The following TSHZ2 variants were observed in gnomAD, a reference collection of about 807,000 sequenced individuals.
TSHZ2 encodes teashirt zinc finger homeobox 2.
Under a neutral mutation model 74.4 loss-of-function variants are expected in TSHZ2, and 21 were observed. That is an observed-to-expected ratio of 0.28 (90% confidence interval 0.20 to 0.41). The LOEUF is 0.41. Ranked by LOEUF, TSHZ2 falls within the 10% of genes least tolerant of loss-of-function variation. The probability of loss-of-function intolerance (pLI) is 1.00; values close to 1 mark genes in which losing one functional copy is unlikely to be tolerated. For missense variants in TSHZ2, 1,244 were observed against 1,293.5 expected, an observed-to-expected ratio of 0.96 and a Z score of 0.59; for synonymous variants, 540 against 515.3, an observed-to-expected ratio of 1.05 and a Z score of -0.65.
chr20:53,450,309 A>AAAAG (rs113435172), intron 2 of TSHZ2, among the ~76,000 whole-genome samples: 11,601 of 152,258 alleles, frequency 0.076, 540 homozygotes, highest in South Asian at 0.23. Context: ...ATGTGATGGT[A>AAAAG]AAAGAAAGAA....
chr20:53,294,589 C>T (rs1242953117), intron 2 of TSHZ2, among the ~76,000 whole-genome samples: 2 of 151,150 alleles, frequency 1.3e-5, no homozygotes, highest in Non-Finnish European at 2.9e-5. Context: ...TTTAGTTCTT[C>T]TGTCATCATT....
At chr20:53,193,192 A>G (rs895904154) in intron 1 of TSHZ2, among the ~76,000 whole-genome samples, 1 of 152,058 alleles carries the variant, frequency 6.6e-6, no homozygotes, top group Non-Finnish European at 1.5e-5. Flanking sequence ...AAAAAAGAAA[A>G]AAAAAACACC....
intron 2 of TSHZ2, among the ~76,000 whole-genome samples, chr20:53,308,785 C>T (rs1978654100): frequency 1.3e-5 from 2 of 152,148 alleles, no homozygotes; most frequent in African/African-American, 2.4e-5. Context: ...TAGAAAACAA[C>T]CCCGTTATCG....
chr20:53,365,586 G>T (rs1479843320), intron 2 of TSHZ2, among the ~76,000 whole-genome samples: 2 of 152,198 alleles, frequency 1.3e-5, no homozygotes, highest in Admixed American at 6.5e-5. Flanking sequence ...CCAGCTAGAT[G>T]CTGGATCCTG....
intron 2 of TSHZ2, among the ~76,000 whole-genome samples, chr20:53,426,514 CT>C (rs1402392719): frequency 3.9e-5 from 6 of 152,004 alleles, no homozygotes; most frequent in Non-Finnish European, 4.4e-5. Context: ...ACTTATCAAA[CT>C]TTTTTTCCCT....
intron 1 of TSHZ2, among the ~76,000 whole-genome samples, chr20:53,014,279 A>G (rs1982957335): frequency 6.6e-6 from 1 of 152,110 alleles, no homozygotes; most frequent in Non-Finnish European, 1.5e-5. Context: ...TACCAACCTG[A>G]GGATTCCACC....
chr20:53,355,385 A>G (rs1361845092), intron 2 of TSHZ2, among the ~76,000 whole-genome samples: 1 of 152,220 alleles, frequency 6.6e-6, no homozygotes, highest in Non-Finnish European at 1.5e-5. Context: ...GAGTGGACAA[A>G]TAAAATATGA....
intron 1 of TSHZ2, among the ~76,000 whole-genome samples, chr20:53,155,966 G>C (rs1987784838): frequency 6.6e-6 from 1 of 152,108 alleles, no homozygotes; most frequent in Non-Finnish European, 1.5e-5. Flanking sequence ...TTAAATATAA[G>C]GAGGTTTTAC....
At chr20:53,384,136 G>A (rs544960487) in intron 2 of TSHZ2, among the ~76,000 whole-genome samples, 6 of 152,286 alleles carry the variant, frequency 3.9e-5, no homozygotes, top group African/African-American at 1.4e-4. Flanking sequence ...TGTGAGAGCC[G>A]ACCAGATTTC....
intron 2 of TSHZ2, among the ~76,000 whole-genome samples, chr20:53,374,629 T>A (rs1981594352): frequency 6.6e-6 from 1 of 152,246 alleles, no homozygotes; most frequent in Non-Finnish European, 1.5e-5. Flanking sequence ...CCCTTTTCTC[T>A]GCAAGCTCAC....
chr20:53,299,501 A>G lies in TSHZ2; in HGVS notation c.*8+42930A>G, dbSNP rs114367520. Among the ~76,000 whole-genome samples, 1,401 of 152,246 alleles carry G rather than the reference A, an allele frequency of 9.2e-3. 29 individuals carry two copies. Among genetic ancestry groups the G allele is most frequent in the African/African-American group, 0.032 (1,314 of 41,538 alleles). The stretch of plus-strand genomic sequence containing the variant: ...TGTCCCAAGTATAACTGCTCTCTTT[A>G]CTTATTTTGTCATTAACGTCATCTT... On this transcript the variant is annotated intron_variant, in intron 2 of 2. Transcript: ENST00000371497.
At chr20:53,365,195 T>G (rs1392730118) in intron 2 of TSHZ2, among the ~76,000 whole-genome samples, 1 of 152,228 alleles carries the variant, frequency 6.6e-6, no homozygotes, top group Non-Finnish European at 1.5e-5. Context: ...GAAGGAAACT[T>G]TTGTCATGAG....
chr20:53,446,116 G>A (rs1040976286), intron 2 of TSHZ2, among the ~76,000 whole-genome samples: 7 of 152,100 alleles, frequency 4.6e-5, no homozygotes, highest in African/African-American at 1.7e-4. Context: ...TCAGCTATGT[G>A]ACTTGCTTTC....
intron 2 of TSHZ2, among the ~76,000 whole-genome samples, chr20:53,452,615 A>G (rs987457317): frequency 1.8e-3 from 257 of 142,528 alleles, no homozygotes; most frequent in Non-Finnish European, 2.7e-3. Flanking sequence ...AAAAAAAAAA[A>G]GGAACTAGAA....
At chr20:53,389,557 G>A (rs1982174439) in intron 2 of TSHZ2, among the ~76,000 whole-genome samples, 2 of 152,232 alleles carry the variant, frequency 1.3e-5, no homozygotes, top group African/African-American at 4.8e-5. Flanking sequence ...GGAGGTGACA[G>A]AGTATGGCTG....
intron 2 of TSHZ2, among the ~76,000 whole-genome samples, chr20:53,376,682 A>C (rs932026637): frequency 1.3e-5 from 2 of 152,180 alleles, no homozygotes; most frequent in Admixed American, 6.5e-5. Context: ...GAAACAACTG[A>C]GAGCTAGCTG....
chr20:53,022,740 C>T (rs1983289592), intron 1 of TSHZ2, among the ~76,000 whole-genome samples: 1 of 152,162 alleles, frequency 6.6e-6, no homozygotes, highest in African/African-American at 2.4e-5. Context: ...GTATATACAT[C>T]TAATTGTACA....
chr20:53,308,574 C>G (rs532204607), intron 2 of TSHZ2, among the ~76,000 whole-genome samples: 1 of 151,900 alleles, frequency 6.6e-6, no homozygotes, highest in Admixed American at 6.6e-5. Context: ...CCTGGGTCAC[C>G]GGGGGAGGCA....
rs73150694 is a variant in TSHZ2 at position 53,291,492 on chromosome 20, G to A, written c.*8+34921G>A. ...TGTCTCAAAAAAAAAAAAAAAAAAAGATCAAGAGCAAAATTGTGGGTTCAG... is the reference window on the plus strand; with the variant it reads ...TGTCTCAAAAAAAAAAAAAAAAAAAAATCAAGAGCAAAATTGTGGGTTCAG... On this transcript the variant is annotated intron_variant, in intron 2 of 2. Transcript: ENST00000371497. Among the ~76,000 whole-genome samples, 518 of 91,002 alleles carry A rather than the reference G, an allele frequency of 5.7e-3. 15 individuals carry two copies. Among genetic ancestry groups the A allele is most frequent in the Middle Eastern group, 0.052 (7 of 134 alleles). 59.7% of individuals were successfully genotyped at this position (91,002 alleles called of 152,430 possible).
Sources: allele counts gnomAD v4.1 joint callset (sites outside exome capture counted in the v4.1 genomes callset), GRCh38; gene constraint gnomAD v4.1.1; transcripts MANE v1.5; gene names NCBI Gene and HGNC (gene_info 2026-07-23, HGNC 2026-07-21).